TNFSF8: variants seen among roughly 807,000 people sequenced by gnomAD.
TNFSF8 encodes tumor necrosis factor ligand superfamily member 8.
A neutral mutation model predicts 22.0 loss-of-function variants in TNFSF8; 4 were observed. The observed-to-expected ratio is 0.18, with a 90% confidence interval of 0.09 to 0.42. The LOEUF is 0.42. TNFSF8 is among the 10% of genes least tolerant of loss of function. The pLI is 1.00. For missense variants in TNFSF8, 233 were observed against 281.8 expected, an observed-to-expected ratio of 0.83 and a Z score of 1.24; for synonymous variants, 106 against 112.5, an observed-to-expected ratio of 0.94 and a Z score of 0.37.
chr9:114,918,744 G>A (rs894960713), intron 1 of TNFSF8, among the ~76,000 whole-genome samples: 1 of 152,192 alleles, frequency 6.6e-6, no homozygotes, highest in African/African-American at 2.4e-5. Flanking sequence ...GGGACTACAG[G>A]CACCCACCAC....
At position 114,904,131 on chromosome 9, in the gene TNFSF8, T is replaced by G; in HGVS notation, c.505A>C (p.Lys169Gln). 1 of 1,614,126 alleles carries G rather than the reference T, an allele frequency of 6.2e-7. No homozygotes were observed. Among genetic ancestry groups the G allele is most frequent in the South Asian group, 1.1e-5 (1 of 91,088 alleles). ...KLELLINKHI[K>Q]KQALVTVCES... ...CACACTGTCACCAGGGCCTGTTTTT[T>G]GATATGCTTGTTGATGAGAAGCTCC... Residue 169 changes from lysine to glutamine, a missense_variant, in exon 4 of 4, where the codon AAA becomes CAA. Transcript: ENST00000223795.
intron 2 of TNFSF8, among the ~76,000 whole-genome samples, chr9:114,907,830 A>G (rs1268383609): frequency 1.3e-5 from 2 of 152,196 alleles, no homozygotes; most frequent in African/African-American, 4.8e-5. Flanking sequence ...ACCATAATTA[A>G]GTCTATCTTG....
chr9:114,911,588 T>C (rs905661019), intron 2 of TNFSF8, among the ~76,000 whole-genome samples: 1 of 152,354 alleles, frequency 6.6e-6, no homozygotes, highest in Non-Finnish European at 1.5e-5. Context: ...AAAGGACCAC[T>C]AGGTGACCCT....
chr9:114,917,284 AG>A (rs1440827289), intron 2 of TNFSF8, among the ~76,000 whole-genome samples: 3 of 152,222 alleles, frequency 2.0e-5, no homozygotes, highest in Non-Finnish European at 4.4e-5. Context: ...TAAAGGTTAC[AG>A]GACTGAGATG....
At chr9:114,899,461 G>A (rs536044169), downstream of TNFSF8, among the ~76,000 whole-genome samples, 10 of 151,390 alleles carry the variant, frequency 6.6e-5, no homozygotes, top group African/African-American at 1.2e-4. Context: ...ATCTTCCATC[G>A]CAGAGTTTCA....
At chr9:114,908,330 G>A (rs1360958641) in intron 2 of TNFSF8, among the ~76,000 whole-genome samples, 1 of 152,228 alleles carries the variant, frequency 6.6e-6, no homozygotes. Context: ...AGGACGCTTG[G>A]CTTGCCTTTT....
chr9:114,907,881 T>C (rs1184016407), intron 2 of TNFSF8, among the ~76,000 whole-genome samples: 1 of 152,224 alleles, frequency 6.6e-6, no homozygotes, highest in African/African-American at 2.4e-5. Flanking sequence ...AACTGACTTG[T>C]TCACATTCAC....
Position 114,901,604 on chromosome 9 carries a change from G to T in TNFSF8, c.*2327C>A, listed in dbSNP as rs3181200. ...GAGTTGGTTTAAGCAAGATTCATTT[G>T]TCCTATGCAGTTAGTGTGTGACTCA... On this transcript the variant is annotated 3_prime_UTR_variant, in exon 4 of 4. Transcript: ENST00000223795. 0.46 allele frequency: 448,459 copies of T among 985,066 alleles called. 105,822 individuals carry two copies. Among genetic ancestry groups the T allele is most frequent in the African/African-American group, 0.76 (43,614 of 57,286 alleles). 61.0% of individuals were successfully genotyped at this position (985,066 alleles called of 1,614,324 possible). A position where few individuals can be genotyped will look rare whatever the true frequency, so the allele number is the denominator to read the frequency against.
intron 1 of TNFSF8, among the ~76,000 whole-genome samples, chr9:114,929,759 C>A (rs1275314387): frequency 6.6e-6 from 1 of 151,830 alleles, no homozygotes. Context: ...TAGCTCCCCT[C>A]CACTGTTTTG....
At chr9:114,927,001 G>A (rs1828070369) in intron 1 of TNFSF8, among the ~76,000 whole-genome samples, 3 of 122,582 alleles carry the variant, frequency 2.4e-5, no homozygotes, top group African/African-American at 4.1e-5. Context: ...AATATAAAAT[G>A]TTTATTTTAT....
chr9:114,919,897 A>G (rs1827966836), intron 1 of TNFSF8, among the ~76,000 whole-genome samples: 1 of 152,154 alleles, frequency 6.6e-6, no homozygotes, highest in African/African-American at 2.4e-5. Flanking sequence ...CCTGAAGGCA[A>G]AGCCCTGGCA....
At chr9:114,913,897 C>T (rs1019494897) in intron 2 of TNFSF8, among the ~76,000 whole-genome samples, 1 of 152,164 alleles carries the variant, frequency 6.6e-6, no homozygotes, top group Non-Finnish European at 1.5e-5. Flanking sequence ...CTGCCGTGGC[C>T]TCATACGGAT....
chr9:114,915,583 C>T (rs1311721007), intron 2 of TNFSF8, among the ~76,000 whole-genome samples: 2 of 152,154 alleles, frequency 1.3e-5, no homozygotes, highest in Non-Finnish European at 2.9e-5. Context: ...GGGAGGAGCC[C>T]CGGATTCTCA....
chr9:114,923,536 G>A (rs1431301536), intron 1 of TNFSF8, among the ~76,000 whole-genome samples: 2 of 12,338 alleles, frequency 1.6e-4, no homozygotes, highest in Non-Finnish European at 3.8e-4. Flanking sequence ...TTTTTTTTTT[G>A]AGATGAAATC....
intron 2 of TNFSF8, among the ~76,000 whole-genome samples, chr9:114,913,191 G>A (rs566756335): frequency 1.3e-5 from 2 of 152,294 alleles, no homozygotes; most frequent in East Asian, 1.9e-4. Flanking sequence ...GAATTCAGGC[G>A]AGGGTGGAGT....
chr9:114,912,204 T>C (rs1477105217), intron 2 of TNFSF8, among the ~76,000 whole-genome samples: 2 of 152,180 alleles, frequency 1.3e-5, no homozygotes, highest in Non-Finnish European at 2.9e-5. Context: ...TGGAGAGTTG[T>C]AGAGAGGATT....
chr9:114,914,488 A>T (rs1271102598), intron 2 of TNFSF8, among the ~76,000 whole-genome samples: 1 of 152,238 alleles, frequency 6.6e-6, no homozygotes, highest in Non-Finnish European at 1.5e-5. Flanking sequence ...CAGAAAAGTG[A>T]AACAAGGAGT....
chr9:114,907,946 C>T (rs1011522326), intron 2 of TNFSF8, among the ~76,000 whole-genome samples: 2 of 152,178 alleles, frequency 1.3e-5, no homozygotes, highest in East Asian at 1.9e-4. Context: ...GACCGCTGCC[C>T]GAATGGATTC....
At chr9:114,918,197 T>G (rs1231373178) in intron 1 of TNFSF8, 59 bp from the exon 2 acceptor site, 22 of 1,506,904 alleles carry the variant, frequency 1.5e-5, no homozygotes, top group Non-Finnish European at 1.9e-5. Context: ...AAACAACTTT[T>G]TTTTTTCTTT....
Sources: gnomAD v4.1 joint callset for allele counts (sites outside exome capture counted in the v4.1 genomes callset) on GRCh38, gnomAD v4.1.1 for gene constraint, MANE v1.5 for transcripts, NCBI Gene and HGNC (gene_info 2026-07-23, HGNC 2026-07-21) for gene names.